CASZ1: variants seen among roughly 807,000 people sequenced by gnomAD.
The protein encoded by CASZ1 is castor zinc finger 1, also known as zinc finger protein castor homolog 1.
In CASZ1, 28 loss-of-function variants were observed where a neutral mutation model predicts 135.2. The ratio of observed to expected loss-of-function variants is 0.21; its 90% CI spans 0.15 to 0.28. CASZ1 has a LOEUF of 0.28. Ranked by LOEUF, CASZ1 falls within the 10% of genes least tolerant of loss-of-function variation. The pLI, the probability that CASZ1 is intolerant of heterozygous loss-of-function variation, is 1.00. For synonymous variants in CASZ1, 1,068 were observed against 1,073.4 expected, an observed-to-expected ratio of 0.99 and a Z score of 0.10; for missense variants, 2,161 against 2,453.3, an observed-to-expected ratio of 0.88 and a Z score of 2.52.
chr1:10,720,750 G>T lies in CASZ1; in HGVS notation c.-76-15206C>A, dbSNP rs1359716147. On this transcript the variant is annotated intron_variant, in intron 2 of 20. Transcript: ENST00000377022. This position sits in a 1 kb window ranked among gnomAD's most constrained non-coding sequence, Gnocchi z 5.7. ...CTGGCAAAGAATGAGAAGGGCGTAG[G>T]GAAGCCCAAGGTCAGAGAGTGGGGA... 6.6e-6 allele frequency among the ~76,000 whole-genome samples: 1 copy of T among 152,190 alleles called. No individual in the cohort carries two copies. The highest frequency in any genetic ancestry group is 2.4e-5 in the African/African-American group (1 of 41,448).
In CASZ1 at chr1:10,639,411, G is replaced by C; in HGVS notation, c.4811C>G (p.Ala1604Gly). 6.4e-7 allele frequency: 1 copy of C among 1,552,420 alleles called. No homozygotes were observed. ...AGGCCCGGGCGCGGGGCCCTCTGCC[G>C]CGGGCTCGCCGCGCTCCTGCTTCTC... is the stretch of plus-strand genomic sequence containing the variant. ...KHEKQERGEP[A>G]AEGPAPGPPI... is the part of the protein sequence containing the mutation. Residue 1604 changes from alanine to glycine, a missense_variant, in exon 21 of 21, where the codon GCG (alanine) becomes GGG (glycine). By Grantham distance (60) the Ala-to-Gly change is moderately conservative. Around this residue, in one of 7 missense-constraint regions of CASZ1, gnomAD observed 240 missense variants for 321.4 expected, o/e 0.75. Transcript: ENST00000377022. This position sits in a 1 kb window ranked among gnomAD's most constrained non-coding sequence, Gnocchi z 4.0.
At chr1:10,693,673 C>A (rs1257838907) in intron 4 of CASZ1, among the ~76,000 whole-genome samples, 7 of 152,136 alleles carry the variant, frequency 4.6e-5, no homozygotes, top group Non-Finnish European at 7.4e-5. Flanking sequence ...TTAGTCACAG[C>A]CTCTAAGCAA....
chr1:10,754,929 G>A (rs1033430250), intron 2 of CASZ1, among the ~76,000 whole-genome samples: 1 of 152,250 alleles, frequency 6.6e-6, no homozygotes, highest in Non-Finnish European at 1.5e-5. Flanking sequence ...AGAAACTAGT[G>A]TTTAATTACA....
In CASZ1 at chr1:10,776,889, A is replaced by C. The variant is rs903323268; in HGVS notation, c.-233-16032T>G. 6.6e-6 allele frequency among the ~76,000 whole-genome samples: 1 copy of C among 152,218 alleles called. No individual in the cohort carries two copies. The highest frequency in any genetic ancestry group is 1.5e-5 in the Non-Finnish European group (1 of 68,034). ...CCAGTGCTCTTTCTTCAACAGAAGCAGTCCCTAAAACCAGTCACCCCCAAA... is the reference window on the plus strand; with the variant it reads ...CCAGTGCTCTTTCTTCAACAGAAGCCGTCCCTAAAACCAGTCACCCCCAAA... On this transcript the variant is annotated intron_variant, in intron 1 of 20. Coordinates refer to ENST00000377022, the MANE Select transcript of CASZ1 (RefSeq NM_001079843.3). This position sits in a 1 kb window ranked among gnomAD's most constrained non-coding sequence, Gnocchi z 4.1.
At position 10,651,011 on chromosome 1, in the gene CASZ1, T is replaced by C. The variant is rs1642559279; in HGVS notation, c.2746A>G (p.Ser916Gly). ...TCGTGGGGGCCTGGGGCGCCGGTGCTCTCACCGGGTTCCGGCTTCACTTGG... is the reference window on the plus strand; with the variant it reads ...TCGTGGGGGCCTGGGGCGCCGGTGCCCTCACCGGGTTCCGGCTTCACTTGG... ...PAQVKPEPGE[S>G]TGAPGPHEAS... The change falls in exon 12 of 21, where the codon AGC (serine) becomes GGC (glycine). Residue 916 changes from serine (S) to glycine (G), a missense_variant. Coordinates refer to ENST00000377022, the MANE Select transcript of CASZ1 (RefSeq NM_001079843.3). 3 of 1,568,078 alleles carry C rather than the reference T, an allele frequency of 1.9e-6. No homozygotes were observed. Among genetic ancestry groups the C allele is most frequent in the Non-Finnish European group, 2.6e-6 (3 of 1,166,484 alleles).
In CASZ1 at chr1:10,725,416, T is replaced by C. The variant is rs911398344; in HGVS notation, c.-76-19872A>G. 7.0e-4 allele frequency among the ~76,000 whole-genome samples: 106 copies of C among 152,224 alleles called. No individual in the cohort carries two copies. The highest frequency in any genetic ancestry group is 1.9e-3 in the African/African-American group (79 of 41,456). On this transcript the variant is annotated intron_variant, in intron 2 of 20. Coordinates refer to ENST00000377022, the MANE Select transcript of CASZ1 (RefSeq NM_001079843.3). This position sits in a 1 kb window ranked among gnomAD's most constrained non-coding sequence, Gnocchi z 4.4. ...TGGTTCCAGTTAAGCTCCATATTTT[T>C]CCTTGTCGATTGAAGAGACACACTT...
chr1:10,780,819 C>T (rs1640750320), intron 1 of CASZ1, among the ~76,000 whole-genome samples: 1 of 152,192 alleles, frequency 6.6e-6, no homozygotes, highest in African/African-American at 2.4e-5. Context: ...GTGACTGAAC[C>T]TCTCAGAGCC....
intron 2 of CASZ1, among the ~76,000 whole-genome samples, chr1:10,722,060 C>T (rs1014976803): frequency 2.0e-5 from 3 of 152,238 alleles, no homozygotes; most frequent in African/African-American, 7.2e-5. Flanking sequence ...ACGTTGGAAC[C>T]AGGCATCCGC....
intron 1 of CASZ1, among the ~76,000 whole-genome samples, chr1:10,779,735 CAT>C (rs1323290617): frequency 6.6e-6 from 1 of 152,184 alleles, no homozygotes; most frequent in Non-Finnish European, 1.5e-5. Flanking sequence ...GTTTTTCACT[CAT>C]ATAATAAACA....
At chr1:10,656,814 A>G in intron 7 of CASZ1, 78 bp from the exon 8 acceptor site, 1 of 969,022 alleles carries the variant, frequency 1.0e-6, no homozygotes, top group Non-Finnish European at 1.6e-6. Context: ...AGCCCCAGGG[A>G]GGACTCTTCG....
chr1:10,725,810 G>T lies in CASZ1; in HGVS notation c.-76-20266C>A, dbSNP rs74322974. ...AGACAGCGGCAGTGGGGTGGGGAGG[G>T]AATGGCAAGGGGGGCCTGAAGACAG... On this transcript the variant is annotated intron_variant, in intron 2 of 20. Coordinates refer to ENST00000377022, the MANE Select transcript of CASZ1 (RefSeq NM_001079843.3). The surrounding 1 kb of genome is among the most constrained non-coding windows in gnomAD (Gnocchi z 4.4). 2.3e-3 allele frequency among the ~76,000 whole-genome samples: 355 copies of T among 151,982 alleles called. No individual in the cohort carries two copies. The highest frequency in any genetic ancestry group is 7.7e-3 in the African/African-American group (321 of 41,440).
chr1:10,762,018 T>C lies in CASZ1; in HGVS notation c.-233-1161A>G, dbSNP rs957987206. On this transcript the variant is annotated intron_variant, in intron 1 of 20. Transcript: ENST00000377022. This position sits in a 1 kb window ranked among gnomAD's most constrained non-coding sequence, Gnocchi z 4.1. Reference sequence around the variant, plus strand: ...TGGGCCCTGCCTCCTTAGTGTGGCATGGTGTGGGCAGCTGCCCTGCAGGTT... The same window carrying C: ...TGGGCCCTGCCTCCTTAGTGTGGCACGGTGTGGGCAGCTGCCCTGCAGGTT... Among the ~76,000 whole-genome samples, 11 of 152,092 alleles carry C rather than the reference T, an allele frequency of 7.2e-5. No individual in the cohort carries two copies. Among genetic ancestry groups the C allele is most frequent in the Non-Finnish European group, 1.6e-4 (11 of 68,002 alleles).
At position 10,717,268 on chromosome 1, in the gene CASZ1, C is replaced by A. The variant is rs908329241; in HGVS notation, c.-76-11724G>T. Among the ~76,000 whole-genome samples, 5 of 152,236 alleles carry A rather than the reference C, an allele frequency of 3.3e-5. No individual in the cohort carries two copies. The highest frequency in any genetic ancestry group is 1.2e-4 in the African/African-American group (5 of 41,460). Reference sequence around the variant, plus strand: ...TTCCCACGGAACCCACTCACCCCACCCCCAGCCTCTGCAGCTCCCCAGTTC... The same window carrying A: ...TTCCCACGGAACCCACTCACCCCACACCCAGCCTCTGCAGCTCCCCAGTTC... On this transcript the variant is annotated intron_variant, in intron 2 of 20. Coordinates refer to ENST00000377022, the MANE Select transcript of CASZ1 (RefSeq NM_001079843.3). The surrounding 1 kb of genome is among the most constrained non-coding windows in gnomAD (Gnocchi z 4.6).
Position 10,709,342 on chromosome 1 carries a change from A to G in CASZ1, c.-76-3798T>C, listed in dbSNP as rs1234623964. Among the ~76,000 whole-genome samples, 1 of 152,086 alleles carries G rather than the reference A, an allele frequency of 6.6e-6. No homozygotes were observed. Among genetic ancestry groups the G allele is most frequent in the Non-Finnish European group, 1.5e-5 (1 of 67,988 alleles). Reference sequence around the variant, plus strand: ...CCTCACGCACAGCCTCTCCCTGGCCAGCCCTTTCACAGGGGCTGGGGCCAT... The same window carrying G: ...CCTCACGCACAGCCTCTCCCTGGCCGGCCCTTTCACAGGGGCTGGGGCCAT... On this transcript the variant is annotated intron_variant, in intron 2 of 20. Transcript: ENST00000377022. This position sits in a 1 kb window ranked among gnomAD's most constrained non-coding sequence, Gnocchi z 5.1.
At chr1:10,703,146 G>A (rs184168881) in intron 3 of CASZ1, among the ~76,000 whole-genome samples, 263 of 152,312 alleles carry the variant, frequency 1.7e-3, no homozygotes, top group Non-Finnish European at 2.4e-3. Flanking sequence ...GACCTAGCAC[G>A]AGAGGAGGCC....
intron 6 of CASZ1, among the ~76,000 whole-genome samples, chr1:10,658,977 G>A (rs192128059): frequency 1.4e-3 from 207 of 152,298 alleles, no homozygotes; most frequent in African/African-American, 4.9e-3. Flanking sequence ...AGCAGGGGCC[G>A]CCCTGATCTG....
chr1:10,658,648 G>A (rs1246420836), intron 6 of CASZ1, 72 bp from the exon 7 acceptor site: 9 of 1,379,006 alleles, frequency 6.5e-6, no homozygotes, highest in Non-Finnish European at 9.3e-6. Flanking sequence ...CATCTGGTGG[G>A]CAGCCCCTGC....
At chr1:10,752,598 C>T (rs1050204076) in intron 2 of CASZ1, among the ~76,000 whole-genome samples, 3 of 152,140 alleles carry the variant, frequency 2.0e-5, no homozygotes, top group African/African-American at 7.2e-5. Flanking sequence ...TGCAAAGTCC[C>T]CAGGCAGCTC....
At chr1:10,748,625 G>A (rs1012973572) in intron 2 of CASZ1, among the ~76,000 whole-genome samples, 19 of 152,040 alleles carry the variant, frequency 1.2e-4, no homozygotes, top group Non-Finnish European at 2.5e-4. Context: ...CCTCTTTCTC[G>A]CAGTCAGCTC....
Sources: gnomAD v4.1 joint callset for allele counts (sites outside exome capture counted in the v4.1 genomes callset) on GRCh38, gnomAD v4.1.1 for gene constraint, gnomAD v4.1.1 regional missense constraint, Gnocchi (gnomAD v3.1) non-coding constraint, MANE v1.5 for transcripts, NCBI Gene and HGNC (gene_info 2026-07-23, HGNC 2026-07-21) for gene names.